Variants in ASNS observed in about 807,000 individuals in gnomAD.
ASNS encodes the protein asparagine synthetase (glutamine-hydrolyzing), also known as asparagine synthetase [glutamine-hydrolyzing].
Under a neutral mutation model 62.6 loss-of-function variants are expected in ASNS, and 37 were observed. The ratio of observed to expected loss-of-function variants is 0.59; its 90% CI spans 0.45 to 0.78. The LOEUF (loss-of-function observed/expected upper bound fraction) is 0.78. Ranked by LOEUF, ASNS falls within the 30% of genes least tolerant of loss-of-function variation. ASNS has a pLI of 0.00. For synonymous variants in ASNS, 207 were observed against 237.9 expected (o/e 0.87, Z 1.19); for missense variants, 520 against 682.4 (o/e 0.76, Z 2.65).
the ASNS span, among the ~76,000 whole-genome samples, chr7:97,902,722 AAACAACAAC>A: frequency 1.3e-5 from 2 of 151,892 alleles, no homozygotes; most frequent in African/African-American, 4.8e-5. Flanking sequence ...TCCTGCCTCA[AAACAACAAC>A]AACAACAACA....
chr7:97,856,471 A>G (rs939428294), intron 8 of ASNS, among the ~76,000 whole-genome samples: 2 of 152,238 alleles, frequency 1.3e-5, no homozygotes, highest in African/African-American at 4.8e-5. Flanking sequence ...AGTGACACCA[A>G]CAATGTGGAG....
At chr7:97,874,248 T>C (rs541351188), upstream of ASNS, among the ~76,000 whole-genome samples, 1 of 151,718 alleles carries the variant, frequency 6.6e-6, no homozygotes, top group South Asian at 2.1e-4. Context: ...GAAATATGGT[T>C]CTGTTCTGCC....
chr7:97,873,732 G>A (rs1289792973), upstream of ASNS, among the ~76,000 whole-genome samples: 8 of 152,050 alleles, frequency 5.3e-5, no homozygotes, highest in Non-Finnish European at 8.8e-5. Context: ...CCCATTTCCC[G>A]TAGCATCTTG....
the ASNS span, among the ~76,000 whole-genome samples, chr7:97,910,690 C>T: frequency 2.6e-5 from 4 of 152,112 alleles, no homozygotes; most frequent in Non-Finnish European, 4.4e-5. Context: ...CAACTTCCGC[C>T]TCCCGGGTTC....
chr7:97,855,549 TTTAC>T lies in ASNS; in HGVS notation c.1031-94_1031-91del, dbSNP rs1483416423. On this transcript the variant is annotated intron_variant, in intron 8 of 12. Coordinates refer to ENST00000394308, the MANE Select transcript of ASNS (RefSeq NM_001673.5). ...TTGATTTTTGGAAATAATTGAAAGC[TTTAC>T]TACTATACTGGACTTCATATTAATA... 7 of 879,346 alleles carry T rather than the reference TTTAC, an allele frequency of 8.0e-6. No individual in the cohort carries two copies. The African/African-American group carries it at 1.2e-4, about 15-fold the overall frequency. 54.5% of individuals were successfully genotyped at this position (879,346 alleles called of 1,614,324 possible).
chr7:97,919,603 G>A, the ASNS span, among the ~76,000 whole-genome samples: 1 of 152,208 alleles, frequency 6.6e-6, no homozygotes, highest in African/African-American at 2.4e-5. Context: ...AAGCCGACAA[G>A]CTTTCAAGCC....
At chr7:97,903,266 C>G in the ASNS span, among the ~76,000 whole-genome samples, 1 of 150,546 alleles carries the variant, frequency 6.6e-6, no homozygotes, top group East Asian at 1.9e-4. Flanking sequence ...TTTTAATCAG[C>G]CTGGTGCCTT....
chr7:97,858,661 G>A (rs1267717491), intron 6 of ASNS, among the ~76,000 whole-genome samples, 193 bp downstream of exon 6: 1 of 152,114 alleles, frequency 6.6e-6, no homozygotes, highest in Non-Finnish European at 1.5e-5. Context: ...CAATAACATA[G>A]CTATAGTGTA....
chr7:97,923,365 C>G, the ASNS span, among the ~76,000 whole-genome samples: 1 of 151,778 alleles, frequency 6.6e-6, no homozygotes, highest in Non-Finnish European at 1.5e-5. Flanking sequence ...CAAGGTGGGC[C>G]GATCACTTGA....
chr7:97,917,315 C>T, the ASNS span, among the ~76,000 whole-genome samples: 2 of 152,082 alleles, frequency 1.3e-5, no homozygotes, highest in Non-Finnish European at 2.9e-5. Flanking sequence ...AACACAACCT[C>T]GAGCTTGAAA....
At chr7:97,891,388 CT>C in the ASNS span, among the ~76,000 whole-genome samples, 1,506 of 152,284 alleles carry the variant, frequency 9.9e-3, 17 homozygotes, top group African/African-American at 0.033. Flanking sequence ...CATTCTGCCC[CT>C]GGCCCTTCCC....
the ASNS span, among the ~76,000 whole-genome samples, chr7:97,926,922 T>C: frequency 2.6e-5 from 4 of 151,858 alleles, no homozygotes; most frequent in African/African-American, 4.8e-5. Context: ...CTCTCTCTCT[T>C]TTGCTTGAAA....
At chr7:97,858,150 C>T in intron 7 of ASNS, 128 bp downstream of exon 7, 1 of 1,244,948 alleles carries the variant, frequency 8.0e-7, no homozygotes, top group East Asian at 2.4e-5. Context: ...TATTTTAATA[C>T]AATCAATTTA....
chr7:97,926,018 G>A, the ASNS span, among the ~76,000 whole-genome samples: 25 of 151,660 alleles, frequency 1.6e-4, no homozygotes, highest in African/African-American at 6.1e-4. Flanking sequence ...TGAAACTTCT[G>A]ATATTGGCAG....
At chr7:97,904,263 A>T in the ASNS span, among the ~76,000 whole-genome samples, 22 of 148,222 alleles carry the variant, frequency 1.5e-4, no homozygotes, top group Admixed American at 5.5e-4. Flanking sequence ...GGTAAGAAGG[A>T]ACTTTTTTAA....
At chr7:97,868,311 A>G (rs7779490) in intron 3 of ASNS, among the ~76,000 whole-genome samples, 17,765 of 152,170 alleles carry the variant, frequency 0.12, 1,041 homozygotes, top group South Asian at 0.2. Flanking sequence ...CTGTCTCAAA[A>G]TAAATAAATA....
the ASNS span, among the ~76,000 whole-genome samples, chr7:97,894,175 A>C: frequency 6.6e-6 from 1 of 152,070 alleles, no homozygotes; most frequent in African/African-American, 2.4e-5. Flanking sequence ...TTTTAAACAG[A>C]AAATGGAAAC....
chr7:97,902,298 T>A, the ASNS span, among the ~76,000 whole-genome samples: 2 of 152,174 alleles, frequency 1.3e-5, no homozygotes, highest in African/African-American at 4.8e-5. Flanking sequence ...GGTGATCAGC[T>A]TTCATGCCAA....
chr7:97,890,459 T>C, the ASNS span, among the ~76,000 whole-genome samples: 2 of 152,022 alleles, frequency 1.3e-5, no homozygotes, highest in Non-Finnish European at 2.9e-5. Context: ...TAAGAGAATC[T>C]CCATCAGGCT....
Sources: allele counts gnomAD v4.1 joint callset (sites outside exome capture counted in the v4.1 genomes callset), GRCh38; gene constraint gnomAD v4.1.1; transcripts MANE v1.5; gene names NCBI Gene and HGNC (gene_info 2026-07-23, HGNC 2026-07-21).